The following ANKRD31 variants were observed in gnomAD, a reference collection of about 807,000 sequenced individuals.
ANKRD31 encodes the protein ankyrin repeat domain-containing protein 31.
Under a neutral mutation model 186.0 loss-of-function variants are expected in ANKRD31, and 147 were observed. That is an observed-to-expected ratio of 0.79 (90% CI 0.69 to 0.91). The LOEUF (loss-of-function observed/expected upper bound fraction) is 0.91. Ranked by LOEUF, ANKRD31 falls within the 40% of genes least tolerant of loss-of-function variation. ANKRD31 has a pLI of 0.00. For missense variants in ANKRD31, 1,986 were observed against 2,148.8 expected, an observed-to-expected ratio of 0.92 and a Z score of 1.50; for synonymous variants, 673 against 736.4, an observed-to-expected ratio of 0.91 and a Z score of 1.39.
intron 10 of ANKRD31, among the ~76,000 whole-genome samples, chr5:75,183,439 A>G (rs576831380): frequency 2.6e-5 from 4 of 152,282 alleles, no homozygotes; most frequent in African/African-American, 9.6e-5. Flanking sequence ...AAAGAAAAAA[A>G]TAAAAGGTGT....
intron 3 of ANKRD31, among the ~76,000 whole-genome samples, chr5:75,216,120 T>C (rs1756944577): frequency 2.0e-5 from 3 of 152,190 alleles, no homozygotes; most frequent in African/African-American, 7.2e-5. Context: ...AATACTTCAC[T>C]TATCCTTCTT....
At chr5:75,156,980 G>A (rs2150163876) in intron 11 of ANKRD31, among the ~76,000 whole-genome samples, 1 of 152,342 alleles carries the variant, frequency 6.6e-6, no homozygotes, top group East Asian at 1.9e-4. Context: ...GTACCAGAAA[G>A]TGGGGTGCTA....
At chr5:75,218,166 G>T (rs1265363069) in intron 3 of ANKRD31, among the ~76,000 whole-genome samples, 1 of 151,792 alleles carries the variant, frequency 6.6e-6, no homozygotes, top group African/African-American at 2.4e-5. Context: ...TTGGTTTTTT[G>T]GAAAAAATTA....
rs1261540280 is a variant in ANKRD31 at position 75,107,629 on chromosome 5, A to C, written c.4244-12T>G. On this transcript the variant is annotated splice_polypyrimidine_tract_variant and intron_variant, in intron 20 of 25. Coordinates refer to ENST00000506364, the MANE Select transcript of ANKRD31 (RefSeq NM_001372053.1). ...TTCAATGTATTGTTCTAGAAACATGACAATAAAAAGTTAGCTAACTGAGGG... is the reference window on the plus strand; with the variant it reads ...TTCAATGTATTGTTCTAGAAACATGCCAATAAAAAGTTAGCTAACTGAGGG... 3 of 1,474,922 alleles carry C rather than the reference A, an allele frequency of 2.0e-6. No individual in the cohort carries two copies. The highest frequency in any genetic ancestry group is 2.7e-6 in the Non-Finnish European group (3 of 1,107,992). 91.4% of individuals were successfully genotyped at this position (1,474,922 alleles called of 1,614,324 possible).
At chr5:75,178,875 AACTAAG>A (rs1450988353) in intron 10 of ANKRD31, among the ~76,000 whole-genome samples, 3 of 152,212 alleles carry the variant, frequency 2.0e-5, no homozygotes, top group African/African-American at 7.2e-5. Flanking sequence ...GGCAAGAAAT[AACTAAG>A]ATCAGAGCAG....
chr5:75,176,745 T>C (rs1020335780), intron 10 of ANKRD31, among the ~76,000 whole-genome samples: 3 of 151,936 alleles, frequency 2.0e-5, no homozygotes, highest in African/African-American at 7.3e-5. Flanking sequence ...GTCACCATCA[T>C]CAAAGACAAA....
chr5:75,236,421 T>G (rs1444589815), intron 1 of ANKRD31, among the ~76,000 whole-genome samples, 162 bp downstream of exon 1: 1 of 152,168 alleles, frequency 6.6e-6, no homozygotes, highest in Non-Finnish European at 1.5e-5. Flanking sequence ...GTTTGCTTAT[T>G]TACAAGCTCT....
chr5:75,093,925 A>G (rs1746126096), intron 22 of ANKRD31, among the ~76,000 whole-genome samples: 1 of 152,228 alleles, frequency 6.6e-6, no homozygotes, highest in Admixed American at 6.5e-5. Context: ...TTGAAAGCCA[A>G]TGACCCTATA....
intron 3 of ANKRD31, among the ~76,000 whole-genome samples, chr5:75,220,327 G>T (rs1325703091): frequency 6.6e-6 from 1 of 152,086 alleles, no homozygotes. Flanking sequence ...AAATGTACAG[G>T]CAAAAAGCAA....
In ANKRD31 at chr5:75,075,636, T is replaced by C. The variant is rs187200466; in HGVS notation, c.5647+4932A>G. Among the ~76,000 whole-genome samples the C allele has an allele frequency of 2.6e-4, 40 of 152,256 alleles. 1 individual carries two copies. In the East Asian group the frequency reaches 5.0e-3, roughly 19 times the overall value. On this transcript the variant is annotated intron_variant, in intron 25 of 25. Transcript: ENST00000506364. ...CAAAATTTCACCACCAATCCAACCA[T>C]ACCCTTACTTTAGCCCTTAAAACTA...
chr5:75,154,258 A>T lies in ANKRD31; in HGVS notation c.1795T>A (p.Cys599Ser), dbSNP rs755607372. ...TATCTCTCAAGGAGACGCTTCATACATAAATCCTTGGCCTCATCCAAAGCA... is the reference window on the plus strand; with the variant it reads ...TATCTCTCAAGGAGACGCTTCATACTTAAATCCTTGGCCTCATCCAAAGCA... ...KCALDEAKDL[C>S]MKRLLERYIP... Residue 599 changes from cysteine (C) to serine (S), a missense_variant, in exon 12 of 26, where the codon TGT becomes AGT. Transcript: ENST00000506364. 28 of 1,535,332 alleles carry T rather than the reference A, an allele frequency of 1.8e-5. No individual in the cohort carries two copies. The highest frequency in any genetic ancestry group is 2.1e-5 in the Non-Finnish European group (24 of 1,145,900).
chr5:75,186,797 T>C (rs1369921918), intron 10 of ANKRD31, among the ~76,000 whole-genome samples: 4 of 152,304 alleles, frequency 2.6e-5, no homozygotes, highest in Non-Finnish European at 1.5e-5. Context: ...TAAAAGACCA[T>C]TGGTCCACTA....
chr5:75,138,791 T>C, intron 16 of ANKRD31, 55 bp downstream of exon 16: 1 of 1,502,040 alleles, frequency 6.7e-7, no homozygotes, highest in Non-Finnish European at 8.9e-7. Context: ...GGTGTTGAAA[T>C]GTGTATTTCA....
intron 10 of ANKRD31, among the ~76,000 whole-genome samples, chr5:75,182,982 C>A (rs768120): frequency 5.3e-5 from 8 of 152,110 alleles, no homozygotes; most frequent in Non-Finnish European, 1.2e-4. Flanking sequence ...CCCAATACCC[C>A]TGATGAACAC....
At chr5:75,233,311 C>A (rs1159565746) in intron 1 of ANKRD31, among the ~76,000 whole-genome samples, 1 of 152,026 alleles carries the variant, frequency 6.6e-6, no homozygotes, top group East Asian at 1.9e-4. Flanking sequence ...GATCTGCCCA[C>A]CTCAGCCTCC....
At chr5:75,231,760 T>C (rs1340520882) in intron 1 of ANKRD31, among the ~76,000 whole-genome samples, 1 of 152,094 alleles carries the variant, frequency 6.6e-6, no homozygotes, top group African/African-American at 2.4e-5. Context: ...TTAAGCCAGG[T>C]ACTATCACTC....
chr5:75,139,810 T>TCC (rs1750875429), intron 15 of ANKRD31, among the ~76,000 whole-genome samples: 2 of 152,148 alleles, frequency 1.3e-5, no homozygotes. Context: ...AAGGCAGGTG[T>TCC]GTGGAACAGT....
intron 17 of ANKRD31, among the ~76,000 whole-genome samples, chr5:75,127,883 T>C (rs759446559): frequency 7.2e-5 from 11 of 152,212 alleles, no homozygotes; most frequent in Non-Finnish European, 1.5e-4. Flanking sequence ...CCCAATTATT[T>C]AATATTTTGA....
chr5:75,167,613 G>A (rs1208523849), intron 11 of ANKRD31, among the ~76,000 whole-genome samples: 1 of 152,190 alleles, frequency 6.6e-6, no homozygotes, highest in African/African-American at 2.4e-5. Context: ...GCAGTAAGTG[G>A]GGAAACTGGA....
Sources: gnomAD v4.1 joint callset for allele counts (sites outside exome capture counted in the v4.1 genomes callset) on GRCh38, gnomAD v4.1.1 for gene constraint, MANE v1.5 for transcripts, NCBI Gene and HGNC (gene_info 2026-07-23, HGNC 2026-07-21) for gene names.